ATAD2B: variants seen among roughly 807,000 people sequenced by gnomAD.
ATAD2B encodes ATPase family AAA domain-containing protein 2B.
Under a neutral mutation model 167.6 loss-of-function variants are expected in ATAD2B, and 40 were observed. The observed-to-expected ratio is 0.24, with a 90% CI of 0.19 to 0.31. ATAD2B has a LOEUF of 0.31. Among genes scored for constraint, ATAD2B ranks in the 10% least tolerant of loss-of-function variants. The pLI is 1.00. For missense variants in ATAD2B, 1,242 were observed against 1,757.2 expected (o/e 0.71, Z 5.24); for synonymous variants, 579 against 596.5 (o/e 0.97, Z 0.43).
intron 1 of ATAD2B, among the ~76,000 whole-genome samples, chr2:23,921,205 CAAAAAAAAAAAAAA>C (rs61004964): frequency 6.2e-5 from 2 of 32,288 alleles, no homozygotes; most frequent in African/African-American, 2.5e-4. Context: ...GACTCCATCT[CAAAAAAAAAAAAAA>C]AAAAAAAAAA....
chr2:23,765,198 C>A (rs1677241396), intron 23 of ATAD2B, among the ~76,000 whole-genome samples: 1 of 152,114 alleles, frequency 6.6e-6, no homozygotes, highest in Non-Finnish European at 1.5e-5. Context: ...AAAATAAAAC[C>A]TTTTCATATC....
chr2:23,818,179 G>A (rs1686825461), intron 17 of ATAD2B, among the ~76,000 whole-genome samples: 1 of 86,538 alleles, frequency 1.2e-5, no homozygotes, highest in Admixed American at 1.4e-4. Flanking sequence ...GAGAGGGAGA[G>A]GGAGAGACGG....
chr2:23,875,538 C>T (rs1696699141), intron 8 of ATAD2B, among the ~76,000 whole-genome samples: 1 of 151,736 alleles, frequency 6.6e-6, no homozygotes, highest in African/African-American at 2.4e-5. Flanking sequence ...TTTGTACCTA[C>T]ATGTAAAAGA....
the ATAD2B span, chr2:23,703,800 A>G: frequency 6.5e-7 from 1 of 1,537,472 alleles, no homozygotes; most frequent in Non-Finnish European, 8.7e-7. Flanking sequence ...ACCACCATCT[A>G]CGACCCTGAG....
At chr2:23,919,388 A>G (rs1195465343) in intron 1 of ATAD2B, among the ~76,000 whole-genome samples, 1 of 152,052 alleles carries the variant, frequency 6.6e-6, no homozygotes, top group African/African-American at 2.4e-5. Flanking sequence ...CTCTACAAAA[A>G]ATACAAAAAT....
At chr2:23,827,100 A>T (rs1398274807) in intron 15 of ATAD2B, among the ~76,000 whole-genome samples, 1 of 152,070 alleles carries the variant, frequency 6.6e-6, no homozygotes, top group Non-Finnish European at 1.5e-5. Flanking sequence ...TTTTAATGTG[A>T]ACCGGTTTCT....
At chr2:23,783,149 T>C (rs1680302259) in intron 21 of ATAD2B, 121 bp from the exon 22 acceptor site, 1 of 516,632 alleles carries the variant, frequency 1.9e-6, no homozygotes, top group Admixed American at 3.8e-5. Context: ...AAATAATTTA[T>C]AAAGATAAAA....
intron 1 of ATAD2B, among the ~76,000 whole-genome samples, chr2:23,911,416 G>A (rs1037847005): frequency 7.9e-5 from 12 of 151,986 alleles, no homozygotes; most frequent in Admixed American, 2.6e-4. Context: ...TTAGCCAGGC[G>A]TAGTGGCACA....
At chr2:23,774,534 C>T (rs1344700222) in intron 22 of ATAD2B, among the ~76,000 whole-genome samples, 1 of 152,160 alleles carries the variant, frequency 6.6e-6, no homozygotes, top group African/African-American at 2.4e-5. Context: ...AGTATTTATG[C>T]ATATTTCTAC....
the ATAD2B span, among the ~76,000 whole-genome samples, chr2:23,716,438 ATT>A: frequency 6.7e-6 from 1 of 150,090 alleles, no homozygotes; most frequent in Non-Finnish European, 1.5e-5. Flanking sequence ...GGGACCTTTC[ATT>A]GTTGTTGTTG....
chr2:23,856,672 C>A (rs563460325), intron 13 of ATAD2B, among the ~76,000 whole-genome samples: 41 of 150,876 alleles, frequency 2.7e-4, no homozygotes, highest in African/African-American at 8.8e-4. Context: ...ACCAGCCTGG[C>A]CAATATGGCG....
the ATAD2B span, among the ~76,000 whole-genome samples, chr2:23,698,216 G>A: frequency 6.6e-6 from 1 of 152,190 alleles, no homozygotes; most frequent in Non-Finnish European, 1.5e-5. Context: ...GGAACCCCAA[G>A]AGATGAAGGA....
chr2:23,880,562 CA>C (rs374010112), intron 7 of ATAD2B, 76 bp downstream of exon 7: 201,976 of 642,606 alleles, frequency 0.31, 1,929 homozygotes, highest in South Asian at 0.37. Flanking sequence ...GACTCTGTCT[CA>C]AAAAAAAAAA....
chr2:23,918,496 T>A (rs1703409617), intron 1 of ATAD2B, among the ~76,000 whole-genome samples: 1 of 151,970 alleles, frequency 6.6e-6, no homozygotes, highest in Non-Finnish European at 1.5e-5. Context: ...GCAAAAACAA[T>A]CTCTGTACAA....
At chr2:23,872,208 A>G in intron 8 of ATAD2B, 1 of 327,988 alleles carries the variant, frequency 3.0e-6, no homozygotes, top group Non-Finnish European at 6.0e-6. Flanking sequence ...TTTAGATAGA[A>G]GGTCTCACTC....
chr2:23,736,736 G>C, the ATAD2B span, among the ~76,000 whole-genome samples: 3 of 152,174 alleles, frequency 2.0e-5, no homozygotes, highest in African/African-American at 4.8e-5. Context: ...AGCCGAAGCA[G>C]GGTGAGACAC....
At chr2:23,903,180 G>A (rs1035592115) in intron 1 of ATAD2B, among the ~76,000 whole-genome samples, 1 of 151,884 alleles carries the variant, frequency 6.6e-6, no homozygotes. Flanking sequence ...AGGTTGCAGT[G>A]AGCCATAATC....
chr2:23,781,048 A>C (rs1399717287), intron 22 of ATAD2B, among the ~76,000 whole-genome samples: 1 of 152,180 alleles, frequency 6.6e-6, no homozygotes, highest in Non-Finnish European at 1.5e-5. Flanking sequence ...AAAAGCGAAA[A>C]GTGGCTCCTG....
intron 13 of ATAD2B, chr2:23,856,504 T>TAC (rs1385818974): frequency 4.0e-5 from 15 of 373,134 alleles, no homozygotes; most frequent in South Asian, 8.3e-5. Context: ...AATAGTAGTA[T>TAC]ACACACACAC....
Sources: allele counts gnomAD v4.1 joint callset (sites outside exome capture counted in the v4.1 genomes callset), GRCh38; gene constraint gnomAD v4.1.1; transcripts MANE v1.5; gene names NCBI Gene and HGNC (gene_info 2026-07-23, HGNC 2026-07-21).